FRYL: variants seen among roughly 807,000 people sequenced by gnomAD.
FRYL encodes the protein FRY like transcription coactivator.
In FRYL, 150 loss-of-function variants were observed where a neutral mutation model predicts 351.2. The observed-to-expected ratio is 0.43, with a 90% CI of 0.37 to 0.49. The LOEUF (loss-of-function observed/expected upper bound fraction) is 0.49, where lower values mean the gene tolerates loss of function less well. Among genes scored for constraint, FRYL ranks in the 20% least tolerant of loss-of-function variants. The pLI, the probability that FRYL is intolerant of heterozygous loss-of-function variation, is 0.00. For synonymous variants in FRYL, 1,153 were observed against 1,257.1 expected, an observed-to-expected ratio of 0.92 and a Z score of 1.75; for missense variants, 3,036 against 3,619.3, an observed-to-expected ratio of 0.84 and a Z score of 4.13.
intron 59 of FRYL, among the ~76,000 whole-genome samples, chr4:48,508,556 G>T (rs1429328673): frequency 6.6e-6 from 1 of 152,052 alleles, no homozygotes; most frequent in Non-Finnish European, 1.5e-5. Context: ...AAACTTAATG[G>T]CTTCAAACAA....
At chr4:48,717,192 C>T (rs1768955018) in intron 1 of FRYL, among the ~76,000 whole-genome samples, 1 of 150,682 alleles carries the variant, frequency 6.6e-6, no homozygotes, top group African/African-American at 2.4e-5. Context: ...TTAGTGGGTG[C>T]AGTGCACCAG....
intron 7 of FRYL, chr4:48,617,889 C>T (rs2149312468): frequency 6.6e-6 from 1 of 152,282 alleles, no homozygotes; most frequent in Non-Finnish European, 1.5e-5. Flanking sequence ...GGGAGTCTGC[C>T]ATTTCTCTGG....
At chr4:48,699,358 C>T (rs2149572794) in intron 2 of FRYL, among the ~76,000 whole-genome samples, 1 of 152,184 alleles carries the variant, frequency 6.6e-6, no homozygotes, top group East Asian at 1.9e-4. Flanking sequence ...TAAGAGTTTG[C>T]CCTATCAAAA....
chr4:48,543,355 G>A lies in FRYL; in HGVS notation c.5592+452C>T, dbSNP rs79523220. 8.2e-3 allele frequency among the ~76,000 whole-genome samples: 1,248 copies of A among 152,242 alleles called. 8 individuals are homozygous for A. Among genetic ancestry groups the A allele is most frequent in the Non-Finnish European group, 0.013 (881 of 68,024 alleles). The stretch of plus-strand genomic sequence containing the variant: ...TTCCCTCAATAGAATATGAGCTCTA[G>A]AATGTTAGGAACTTTGTCTCATTGA... On this transcript the variant is annotated intron_variant, in intron 44 of 63. Coordinates refer to ENST00000358350, the MANE Select transcript of FRYL (RefSeq NM_015030.2).
intron 16 of FRYL, 60 bp from the exon 17 acceptor site, chr4:48,590,890 G>T: frequency 7.6e-7 from 1 of 1,315,494 alleles, no homozygotes; most frequent in Non-Finnish European, 1.1e-6. Context: ...TTTTTTGCAT[G>T]TTAGAAATAT....
intron 59 of FRYL, 123 bp downstream of exon 59, chr4:48,509,936 T>C (rs1364490701): frequency 3.2e-6 from 2 of 625,676 alleles, no homozygotes; most frequent in African/African-American, 3.7e-5. Context: ...CCTGCTGCTC[T>C]CAGGAAAACC....
chr4:48,715,268 G>T (rs1399838281), intron 1 of FRYL, among the ~76,000 whole-genome samples: 1 of 151,490 alleles, frequency 6.6e-6, no homozygotes, highest in African/African-American at 2.4e-5. Context: ...GGAAGTTCTG[G>T]CCAGGGCAAT....
intron 40 of FRYL, among the ~76,000 whole-genome samples, chr4:48,548,416 T>C (rs1021996494): frequency 2.6e-5 from 4 of 152,230 alleles, no homozygotes; most frequent in Admixed American, 2.6e-4. Context: ...AGCCACAGAA[T>C]TTTTCCTTGG....
chr4:48,700,213 G>T (rs767923278), intron 2 of FRYL, among the ~76,000 whole-genome samples: 3 of 152,012 alleles, frequency 2.0e-5, no homozygotes, highest in Non-Finnish European at 2.9e-5. Flanking sequence ...AAAAACAAAA[G>T]ATTTTTTTTT....
chr4:48,706,895 C>T (rs751279023), intron 2 of FRYL, among the ~76,000 whole-genome samples: 1 of 152,124 alleles, frequency 6.6e-6, no homozygotes, highest in Non-Finnish European at 1.5e-5. Flanking sequence ...GAAAGCACCC[C>T]CAGAAGGCTG....
intron 1 of FRYL, among the ~76,000 whole-genome samples, chr4:48,722,230 G>A (rs1769559099): frequency 6.6e-6 from 1 of 152,140 alleles, no homozygotes; most frequent in African/African-American, 2.4e-5. Context: ...ATGGGAAGCA[G>A]ATACTAAGTT....
rs1422425481 is a variant in FRYL, at chr4:48,507,857, G to GA, written c.8394+2201dup. ...TGTTCCTGTTTATTATCTGCAGGGG[G>GA]AGAGGCTACAAAACCACACAGCAGC... On this transcript the variant is annotated intron_variant, in intron 59 of 63. Transcript: ENST00000358350. 3.3e-5 allele frequency among the ~76,000 whole-genome samples: 5 copies of GA among 152,250 alleles called. No homozygotes were observed. In the East Asian group the frequency reaches 9.7e-4, roughly 29 times the overall value.
At position 48,499,622 on chromosome 4, in the gene FRYL, A is replaced by G. The variant is rs750100645; in HGVS notation, c.8842T>C (p.Leu2948=). Reference sequence around the variant, plus strand: ...GTCTGATGATGGAAATATATATGTAACAGTGTCTGTACAGGGTCATCTTCA... The same window carrying G: ...GTCTGATGATGGAAATATATATGTAGCAGTGTCTGTACAGGGTCATCTTCA... The part of the protein sequence containing the change: ...SCEDDPVQTL[L]HIYFHHQTLG... Residue 2948 remains leucine, a synonymous_variant, in exon 64 of 64, where the codon TTA becomes CTA. Transcript: ENST00000358350. 16 of 1,613,932 alleles carry G rather than the reference A, an allele frequency of 9.9e-6. No individual in the cohort carries two copies. Among genetic ancestry groups the G allele is most frequent in the Non-Finnish European group, 8.5e-6 (10 of 1,179,760 alleles).
At position 48,525,192 on chromosome 4, in the gene FRYL, T is replaced by TAC. The variant is rs1478714316; in HGVS notation, c.7318-2089_7318-2088insGT. Among the ~76,000 whole-genome samples, 35 of 146,218 alleles carry TAC rather than the reference T, an allele frequency of 2.4e-4. 1 individual carries two copies. The Middle Eastern group carries it at 0.014, about 59-fold the overall frequency. On this transcript the variant is annotated intron_variant, in intron 53 of 63. Coordinates refer to ENST00000358350, the MANE Select transcript of FRYL (RefSeq NM_015030.2). The stretch of plus-strand genomic sequence containing the variant: ...ATATATATATATATATATATATATA[T>TAC]ATATACACACACTTGGATGTGATGT...
intron 1 of FRYL, among the ~76,000 whole-genome samples, chr4:48,748,499 C>T (rs1412828907): frequency 6.6e-6 from 1 of 152,194 alleles, no homozygotes; most frequent in Non-Finnish European, 1.5e-5. Flanking sequence ...TCTCTTTCCT[C>T]CTTTTTCCTC....
chr4:48,528,902 TTTA>T lies in FRYL; in HGVS notation c.6904-569_6904-567del, dbSNP rs560072198. ...AAATTCTATGATAATCAAAAACTCA[TTTA>T]TATTTGACTTTGTAAAGTGTTTTAA... is the stretch of plus-strand genomic sequence containing the variant. On this transcript the variant is annotated intron_variant, in intron 50 of 63. Coordinates refer to ENST00000358350, the MANE Select transcript of FRYL (RefSeq NM_015030.2). 1.3e-3 allele frequency among the ~76,000 whole-genome samples: 198 copies of T among 152,270 alleles called. 2 individuals are homozygous for T. Among genetic ancestry groups the T allele is most frequent in the South Asian group, 9.3e-3 (45 of 4,830 alleles).
At chr4:48,639,806 C>G (rs931017565) in intron 3 of FRYL, among the ~76,000 whole-genome samples, 1 of 151,998 alleles carries the variant, frequency 6.6e-6, no homozygotes, top group Non-Finnish European at 1.5e-5. Flanking sequence ...ACTCTTAAAA[C>G]TCAACCACCA....
intron 28 of FRYL, among the ~76,000 whole-genome samples, chr4:48,566,587 CCT>C (rs891473266): frequency 1.3e-5 from 2 of 152,052 alleles, no homozygotes; most frequent in African/African-American, 2.4e-5. Context: ...GCTTAATGAC[CCT>C]GTTATAAAAT....
chr4:48,700,408 T>C (rs1766603592), intron 2 of FRYL, among the ~76,000 whole-genome samples: 1 of 152,192 alleles, frequency 6.6e-6, no homozygotes, highest in Non-Finnish European at 1.5e-5. Context: ...TGAAATGCAG[T>C]ATTTTACTTA....
Sources: gnomAD v4.1 joint callset for allele counts (sites outside exome capture counted in the v4.1 genomes callset) on GRCh38, gnomAD v4.1.1 for gene constraint, MANE v1.5 for transcripts, NCBI Gene and HGNC (gene_info 2026-07-23, HGNC 2026-07-21) for gene names.